Variants in FBXL17 observed in about 807,000 individuals in gnomAD.
FBXL17 encodes the protein F-box/LRR-repeat protein 17.
In FBXL17, 22 loss-of-function variants were observed where a neutral mutation model predicts 66.2. The ratio of observed to expected loss-of-function variants is 0.33; its 90% CI spans 0.24 to 0.47. The LOEUF is 0.47. FBXL17 is among the 20% of genes least tolerant of loss of function. The probability of loss-of-function intolerance (pLI) is 1.00; values close to 1 mark genes in which losing one functional copy is unlikely to be tolerated. For missense variants in FBXL17, 878 were observed against 948.2 expected, an observed-to-expected ratio of 0.93 and a Z score of 0.97; for synonymous variants, 474 against 400.5, an observed-to-expected ratio of 1.18 and a Z score of -2.19.
intron 4 of FBXL17, among the ~76,000 whole-genome samples, chr5:108,336,185 T>C (rs888807038): frequency 1.3e-5 from 2 of 152,184 alleles, no homozygotes; most frequent in Non-Finnish European, 2.9e-5. Context: ...AAATTTTATA[T>C]AGAGTATTTT....
chr5:108,019,378 T>C lies in FBXL17; in HGVS notation c.1822+1547A>G, dbSNP rs1455523095. Among the ~76,000 whole-genome samples, 5 of 152,258 alleles carry C rather than the reference T, an allele frequency of 3.3e-5. No homozygotes were observed. In the East Asian group the frequency reaches 9.6e-4, roughly 29 times the overall value. ...TTAATAGTAGGTGCTGGGCACTGCCTTTGTTATGACATGAAGTATCTCTAT... is the reference window on the plus strand; with the variant it reads ...TTAATAGTAGGTGCTGGGCACTGCCCTTGTTATGACATGAAGTATCTCTAT... On this transcript the variant is annotated intron_variant, in intron 7 of 8. Coordinates refer to ENST00000542267, the MANE Select transcript of FBXL17 (RefSeq NM_001163315.3).
chr5:108,034,416 T>C lies in FBXL17; in HGVS notation c.1746-13415A>G, dbSNP rs190420477. 3.0e-3 allele frequency among the ~76,000 whole-genome samples: 460 copies of C among 152,324 alleles called. 2 individuals are homozygous for C. Among genetic ancestry groups the C allele is most frequent in the African/African-American group, 0.01 (430 of 41,576 alleles). On this transcript the variant is annotated intron_variant, in intron 6 of 8. Transcript: ENST00000542267. ...CCTATCACCGAAAGAATTCTTAAAA[T>C]TGTGTTGCCAGAAACTGGATTAGGA...
intron 6 of FBXL17, among the ~76,000 whole-genome samples, chr5:108,145,482 T>C (rs1580508928): frequency 6.6e-6 from 1 of 152,312 alleles, no homozygotes; most frequent in Admixed American, 6.5e-5. Flanking sequence ...GCTTACTTAA[T>C]AATTTCCCTC....
intron 6 of FBXL17, among the ~76,000 whole-genome samples, chr5:108,121,141 A>G (rs955959683): frequency 1.3e-5 from 2 of 152,156 alleles, no homozygotes; most frequent in African/African-American, 4.8e-5. Context: ...CATCCTGGCC[A>G]ACATGGTGAA....
At chr5:108,203,772 A>G (rs561092369) in intron 5 of FBXL17, among the ~76,000 whole-genome samples, 1 of 152,280 alleles carries the variant, frequency 6.6e-6, no homozygotes, top group African/African-American at 2.4e-5. Flanking sequence ...TGAAAATTTA[A>G]AAGGCAAGAA....
intron 6 of FBXL17, among the ~76,000 whole-genome samples, chr5:108,129,875 G>T (rs1051514081): frequency 6.6e-6 from 1 of 151,782 alleles, no homozygotes; most frequent in Non-Finnish European, 1.5e-5. Flanking sequence ...AGAGGCTGCT[G>T]CAGTTCTTTT....
chr5:108,151,636 T>C (rs1751775952), intron 6 of FBXL17, among the ~76,000 whole-genome samples: 1 of 152,222 alleles, frequency 6.6e-6, no homozygotes, highest in African/African-American at 2.4e-5. Context: ...AGTGGAACTT[T>C]TTGAGAAAGT....
At chr5:108,174,442 G>C (rs572084176) in intron 6 of FBXL17, among the ~76,000 whole-genome samples, 1 of 152,166 alleles carries the variant, frequency 6.6e-6, no homozygotes, top group African/African-American at 2.4e-5. Context: ...AAAGCAATTA[G>C]CCTAAATTAA....
Position 108,381,835 on chromosome 5 carries a change from C to G in FBXL17, c.-144G>C. 7.7e-7 allele frequency: 1 copy of G among 1,298,884 alleles called. No homozygotes were observed. Among genetic ancestry groups the G allele is most frequent in the Non-Finnish European group, 9.8e-7 (1 of 1,024,098 alleles). The allele number at this position is 1,298,884 out of a possible 1,614,324, so 80.5% of individuals were successfully genotyped here. On this transcript the variant is annotated 5_prime_UTR_variant, in exon 1 of 9. Coordinates refer to ENST00000542267, the MANE Select transcript of FBXL17 (RefSeq NM_001163315.3). ...GCACACACACGCACACACGGGCACA[C>G]ACGCGACGGTGGGGGGTGGGCGTCA...
Position 108,295,964 on chromosome 5 carries a change from CAAAA to C in FBXL17, c.1506+52431_1506+52434del, listed in dbSNP as rs60118717. On this transcript the variant is annotated intron_variant, in intron 4 of 8. Transcript: ENST00000542267. ...TTCTAGTAGGAAAATTAAACAAAAC[CAAAA>C]AAAAAAAAAAAAACCTTTCAGTGCT... Among the ~76,000 whole-genome samples the C allele has an allele frequency of 3.4e-3, 377 of 111,662 alleles. 2 individuals carry two copies. Among genetic ancestry groups the C allele is most frequent in the African/African-American group, 0.011 (359 of 32,594 alleles). 73.3% of individuals were successfully genotyped at this position (111,662 alleles called of 152,430 possible).
intron 7 of FBXL17, among the ~76,000 whole-genome samples, chr5:108,009,272 T>TAGATAG (rs1754071729): frequency 5.1e-5 from 1 of 19,762 alleles, no homozygotes; most frequent in African/African-American, 1.9e-4. Flanking sequence ...TATATATATA[T>TAGATAG]ATATATATAT....
chr5:107,908,163 G>A (rs1359388408), intron 7 of FBXL17, among the ~76,000 whole-genome samples: 1 of 152,122 alleles, frequency 6.6e-6, no homozygotes, highest in Non-Finnish European at 1.5e-5. Context: ...GATGAAATTG[G>A]AAATCATCAT....
intron 6 of FBXL17, among the ~76,000 whole-genome samples, chr5:108,135,188 T>C (rs1685134739): frequency 6.6e-6 from 1 of 152,124 alleles, no homozygotes; most frequent in Admixed American, 6.5e-5. Context: ...ATAGCTTTTA[T>C]AAGTCATCTG....
intron 6 of FBXL17, among the ~76,000 whole-genome samples, chr5:108,052,057 G>A (rs542541323): frequency 6.8e-6 from 1 of 146,396 alleles, no homozygotes; most frequent in African/African-American, 2.5e-5. Context: ...AGCTTGCACT[G>A]AGCCGAGATC....
chr5:108,075,488 T>C (rs1041217333), intron 6 of FBXL17, among the ~76,000 whole-genome samples: 1 of 152,222 alleles, frequency 6.6e-6, no homozygotes, highest in African/African-American at 2.4e-5. Flanking sequence ...TTGTTTGTTT[T>C]GTTTTGAGAT....
At chr5:108,042,161 T>C (rs1435860409) in intron 6 of FBXL17, among the ~76,000 whole-genome samples, 1 of 152,238 alleles carries the variant, frequency 6.6e-6, no homozygotes, top group Non-Finnish European at 1.5e-5. Context: ...CCCAAAGTGC[T>C]GGGATTACAG....
chr5:107,960,321 C>T (rs1211175886), intron 7 of FBXL17, among the ~76,000 whole-genome samples: 2 of 152,092 alleles, frequency 1.3e-5, no homozygotes, highest in Non-Finnish European at 2.9e-5. Flanking sequence ...GTGGTGAGAA[C>T]ATTGGAAATT....
At chr5:108,355,280 ATTTATTTATTT>A (rs1195971680) in intron 3 of FBXL17, among the ~76,000 whole-genome samples, 1 of 148,586 alleles carries the variant, frequency 6.7e-6, no homozygotes, top group East Asian at 1.9e-4. Flanking sequence ...TTATTTATTT[ATTTATTTATTT>A]ATTTATTTAT....
chr5:108,309,272 C>T (rs1759000956), intron 4 of FBXL17, among the ~76,000 whole-genome samples: 1 of 151,704 alleles, frequency 6.6e-6, no homozygotes, highest in African/African-American at 2.4e-5. Flanking sequence ...TATTAAAATA[C>T]ATACATTTAT....
Sources: gnomAD v4.1 joint callset for allele counts (sites outside exome capture counted in the v4.1 genomes callset) on GRCh38, gnomAD v4.1.1 for gene constraint, MANE v1.5 for transcripts, NCBI Gene and HGNC (gene_info 2026-07-23, HGNC 2026-07-21) for gene names.